Variants in RCOR1 observed in about 807,000 individuals in gnomAD.
RCOR1 encodes REST corepressor.
RCOR1 carries 12 observed loss-of-function variants against 64.0 expected under a neutral mutation model. The observed-to-expected ratio is 0.19, with a 90% CI of 0.12 to 0.30. RCOR1 has a LOEUF of 0.30. Ranked by LOEUF, RCOR1 falls within the 10% of genes least tolerant of loss-of-function variation. RCOR1 has a pLI of 1.00. For synonymous variants in RCOR1, 279 were observed against 227.2 expected, an observed-to-expected ratio of 1.23 and a Z score of -2.05; for missense variants, 502 against 621.2, an observed-to-expected ratio of 0.81 and a Z score of 2.04.
At chr14:102,678,445 A>C (rs1185924296) in intron 2 of RCOR1, among the ~76,000 whole-genome samples, 1 of 152,066 alleles carries the variant, frequency 6.6e-6, no homozygotes, top group Non-Finnish European at 1.5e-5. Context: ...GTCTGCAGGC[A>C]CACACCACCA....
intron 2 of RCOR1, among the ~76,000 whole-genome samples, chr14:102,595,575 A>C (rs1055297368): frequency 2.6e-5 from 4 of 151,770 alleles, no homozygotes; most frequent in African/African-American, 9.7e-5. Context: ...TAAAATTTCC[A>C]AATTTCTTTT....
At chr14:102,694,724 C>T (rs1382378653) in intron 3 of RCOR1, among the ~76,000 whole-genome samples, 2 of 152,214 alleles carry the variant, frequency 1.3e-5, no homozygotes, top group Non-Finnish European at 2.9e-5. Flanking sequence ...GTAGTAATGT[C>T]TGTACCCACC....
At position 102,729,978 on chromosome 14, in the gene RCOR1, TGTGC is replaced by T. The variant is rs1256921705; in HGVS notation, c.*3474_*3477del. Reference sequence around the variant, plus strand: ...CCAGGTCACCTAAACCTAGTGGTCCTGTGCGATGCTCTTTCTGCCAGTCCCTGAA... The same window carrying T: ...CCAGGTCACCTAAACCTAGTGGTCCTGATGCTCTTTCTGCCAGTCCCTGAA... On this transcript the variant is annotated 3_prime_UTR_variant, in exon 12 of 12. Coordinates refer to ENST00000262241, the MANE Select transcript of RCOR1 (RefSeq NM_015156.4). 11 of 398,990 alleles carry T rather than the reference TGTGC, an allele frequency of 2.8e-5. No individual in the cohort carries two copies. Among genetic ancestry groups the T allele is most frequent in the Non-Finnish European group, 4.9e-5 (11 of 226,080 alleles). 24.7% of individuals were successfully genotyped at this position (398,990 alleles called of 1,614,324 possible).
intron 2 of RCOR1, among the ~76,000 whole-genome samples, chr14:102,606,934 G>GTTTTTT: frequency 8.9e-6 from 1 of 112,064 alleles, no homozygotes; most frequent in Non-Finnish European, 1.8e-5. Flanking sequence ...TTTTGTGTTA[G>GTTTTTT]TTTTTTTTTT....
chr14:102,682,666 G>A (rs1895330708), intron 3 of RCOR1, among the ~76,000 whole-genome samples: 1 of 152,134 alleles, frequency 6.6e-6, no homozygotes, highest in Non-Finnish European at 1.5e-5. Context: ...CCTTCTAAGT[G>A]TGTTCCAGTT....
At chr14:102,718,484 G>A (rs1037250050) in intron 8 of RCOR1, among the ~76,000 whole-genome samples, 1 of 150,234 alleles carries the variant, frequency 6.7e-6, no homozygotes, top group African/African-American at 2.4e-5. Context: ...GTTGCATCAG[G>A]TCTTTCTCTG....
chr14:102,699,560 A>G (rs1895714080), intron 3 of RCOR1, among the ~76,000 whole-genome samples: 1 of 152,138 alleles, frequency 6.6e-6, no homozygotes. Flanking sequence ...CGCATGGCAA[A>G]CTAAGTTGTA....
intron 2 of RCOR1, among the ~76,000 whole-genome samples, chr14:102,596,875 CTTT>C (rs61687380): frequency 5.2e-5 from 6 of 115,390 alleles, no homozygotes; most frequent in Admixed American, 9.5e-5. Context: ...CTCCCCCCGC[CTTT>C]TTTTTTTTTT....
At chr14:102,629,058 G>T (rs1894045880) in intron 2 of RCOR1, among the ~76,000 whole-genome samples, 1 of 152,094 alleles carries the variant, frequency 6.6e-6, no homozygotes, top group Non-Finnish European at 1.5e-5. Context: ...CACATGCCTG[G>T]CTCATTTTTG....
In RCOR1 at chr14:102,592,696, C is replaced by T. The variant is rs1893151465; in HGVS notation, c.-191C>T. ...CGATGAGAGCGAAAGTTGCGCTCGGCTCGTCGCTGGGGGCTTGAAGCGGCT... is the reference window on the plus strand; with the variant it reads ...CGATGAGAGCGAAAGTTGCGCTCGGTTCGTCGCTGGGGGCTTGAAGCGGCT... On this transcript the variant is annotated 5_prime_UTR_variant, in exon 1 of 12. Transcript: ENST00000262241. 23 of 1,227,572 alleles carry T rather than the reference C, an allele frequency of 1.9e-5. No individual in the cohort carries two copies. Among genetic ancestry groups the T allele is most frequent in the Admixed American group, 4.2e-5 (1 of 23,536 alleles). The allele number at this position is 1,227,572 out of a possible 1,614,324, so 76.0% of individuals were successfully genotyped here.
At chr14:102,702,483 A>G (rs1895772563) in intron 4 of RCOR1, among the ~76,000 whole-genome samples, 1 of 149,716 alleles carries the variant, frequency 6.7e-6, no homozygotes, top group African/African-American at 2.4e-5. Flanking sequence ...TCATATATAT[A>G]ACATATAAAT....
At position 102,726,366 on chromosome 14, in the gene RCOR1, G is replaced by C. The variant is rs1887245930; in HGVS notation, c.1420-102G>C. On this transcript the variant is annotated intron_variant, in intron 11 of 11. Coordinates refer to ENST00000262241, the MANE Select transcript of RCOR1 (RefSeq NM_015156.4). Reference sequence around the variant, plus strand: ...AAAAGAACTCGGTGTTTGCTCTGCAGGTTTGCTGGCTACCTTCTCTTTTCA... The same window carrying C: ...AAAAGAACTCGGTGTTTGCTCTGCACGTTTGCTGGCTACCTTCTCTTTTCA... 5 of 1,045,858 alleles carry C rather than the reference G, an allele frequency of 4.8e-6. No homozygotes were observed. The Admixed American group carries it at 1.3e-4, about 27-fold the overall frequency. The allele number at this position is 1,045,858 out of a possible 1,614,324, so 64.8% of individuals were successfully genotyped here.
intron 2 of RCOR1, among the ~76,000 whole-genome samples, chr14:102,605,812 G>C (rs1473564102): frequency 6.6e-6 from 1 of 152,158 alleles, no homozygotes; most frequent in African/African-American, 2.4e-5. Context: ...ACACCTCCAT[G>C]GGTCTTATTG....
intron 6 of RCOR1, 109 bp from the exon 7 acceptor site, chr14:102,710,819 GTTTATTA>G (rs1466016420): frequency 2.8e-6 from 2 of 701,920 alleles, no homozygotes; most frequent in Non-Finnish European, 4.9e-6. Context: ...TATTAAATCA[GTTTATTA>G]TTTATATTTG....
intron 2 of RCOR1, among the ~76,000 whole-genome samples, chr14:102,676,988 G>T (rs1895183322): frequency 9.5e-6 from 1 of 105,206 alleles, no homozygotes; most frequent in African/African-American, 4.1e-5. Context: ...GCCGGGCAGA[G>T]GCGCCCCTCA....
chr14:102,634,951 G>A (rs934006715), intron 2 of RCOR1, among the ~76,000 whole-genome samples: 5 of 149,880 alleles, frequency 3.3e-5, no homozygotes, highest in South Asian at 2.1e-4. Flanking sequence ...CAGGTGATCC[G>A]CCCACCTCGG....
Position 102,602,394 on chromosome 14 carries a change from CTTTTTTTTTTTT to C in RCOR1, c.361+9077_361+9088del, listed in dbSNP as rs66743592. 3.1e-3 allele frequency among the ~76,000 whole-genome samples: 328 copies of C among 104,230 alleles called. 2 individuals are homozygous for C. Among genetic ancestry groups the C allele is most frequent in the African/African-American group, 0.012 (314 of 26,934 alleles). The allele number at this position is 104,230 out of a possible 152,430, so 68.4% of individuals were successfully genotyped here. A position where few individuals can be genotyped will look rare whatever the true frequency, so the allele number is the denominator to read the frequency against. ...GCATTTTTTTCTTTTCTTTTCTTTTCTTTTTTTTTTTTTTTTTTTGGAGATGGAGTTTCGCTC... is the reference window on the plus strand; with the variant it reads ...GCATTTTTTTCTTTTCTTTTCTTTTCTTTTTTTGGAGATGGAGTTTCGCTC... On this transcript the variant is annotated intron_variant, in intron 2 of 11. Transcript: ENST00000262241.
intron 2 of RCOR1, among the ~76,000 whole-genome samples, chr14:102,614,298 C>T (rs1893702283): frequency 6.7e-6 from 1 of 148,280 alleles, no homozygotes; most frequent in Non-Finnish European, 1.5e-5. Flanking sequence ...CATCTCGGCT[C>T]ACTGCAAGCT....
intron 8 of RCOR1, among the ~76,000 whole-genome samples, chr14:102,719,714 GT>G (rs1294936192): frequency 1.3e-5 from 2 of 152,164 alleles, no homozygotes; most frequent in Non-Finnish European, 2.9e-5. Flanking sequence ...AATTTTAGAT[GT>G]TTTGCATTTA....
Sources: gnomAD v4.1 joint callset for allele counts (sites outside exome capture counted in the v4.1 genomes callset) on GRCh38, gnomAD v4.1.1 for gene constraint, MANE v1.5 for transcripts, NCBI Gene and HGNC (gene_info 2026-07-23, HGNC 2026-07-21) for gene names.